The following WDPCP variants were observed in gnomAD, a reference collection of about 807,000 sequenced individuals.
The protein encoded by WDPCP is WD repeat-containing and planar cell polarity effector protein fritz homolog.
Under a neutral mutation model 93.1 loss-of-function variants are expected in WDPCP, and 71 were observed. The ratio of observed to expected loss-of-function variants is 0.76; its 90% CI spans 0.63 to 0.93. WDPCP has a LOEUF of 0.93. Ranked by LOEUF, WDPCP falls within the 40% of genes least tolerant of loss-of-function variation. WDPCP has a pLI of 0.00. For synonymous variants in WDPCP, 315 were observed against 315.0 expected, an observed-to-expected ratio of 1.00 and a Z score of 0.00; for missense variants, 844 against 887.4, an observed-to-expected ratio of 0.95 and a Z score of 0.62.
intron 3 of WDPCP, among the ~76,000 whole-genome samples, chr2:63,639,340 T>C (rs565110232): frequency 3.9e-5 from 6 of 152,332 alleles, no homozygotes; most frequent in African/African-American, 1.2e-4. Flanking sequence ...AGACAGGGTC[T>C]ACTGTGTTGC....
At chr2:63,838,333 G>A in the WDPCP span, among the ~76,000 whole-genome samples, 2 of 152,192 alleles carry the variant, frequency 1.3e-5, no homozygotes, top group East Asian at 3.8e-4. Flanking sequence ...ATATGGTGAG[G>A]TTGTTATACA....
intron 1 of WDPCP, among the ~76,000 whole-genome samples, chr2:63,515,308 T>C (rs1427212571): frequency 1.3e-5 from 2 of 152,178 alleles, no homozygotes; most frequent in Non-Finnish European, 2.9e-5. Context: ...TAGACTTACG[T>C]AAAGTGCCTA....
intron 2 of WDPCP, among the ~76,000 whole-genome samples, chr2:63,666,868 T>C (rs1049511821): frequency 6.6e-6 from 1 of 152,162 alleles, no homozygotes; most frequent in African/African-American, 2.4e-5. Flanking sequence ...GAAATCAGCA[T>C]TGGAACCTTG....
intron 15 of WDPCP, among the ~76,000 whole-genome samples, chr2:63,171,145 T>A (rs1455723206): frequency 6.6e-6 from 1 of 152,040 alleles, no homozygotes. Flanking sequence ...ATTTTCAGAT[T>A]AGAAAGAAAT....
chr2:63,359,277 G>T (rs1255719681), intron 12 of WDPCP, among the ~76,000 whole-genome samples: 4 of 152,140 alleles, frequency 2.6e-5, no homozygotes. Flanking sequence ...CTTAAGACGT[G>T]CAACCTTGCA....
In WDPCP at chr2:63,792,910, T is replaced by A. The variant is rs1670564355; in HGVS notation, n.308+20712A>T. On this transcript the variant is annotated intron_variant and non_coding_transcript_variant, in intron 2 of 4. Coordinates refer to the WDPCP transcript ENST00000467687. Reference sequence around the variant, plus strand: ...TCATGAATAACATCATAGATTCAAATAACAGTGTAAAAAAAAAAAGGCAGA... The same window carrying A: ...TCATGAATAACATCATAGATTCAAAAAACAGTGTAAAAAAAAAAAGGCAGA... 2.7e-5 allele frequency among the ~76,000 whole-genome samples: 4 copies of A among 150,824 alleles called. No homozygotes were observed. The South Asian group carries it at 8.4e-4, about 32-fold the overall frequency.
At chr2:63,377,837 T>A (rs1310462369) in intron 12 of WDPCP, 1 of 154,262 alleles carries the variant, frequency 6.5e-6, no homozygotes, top group Non-Finnish European at 1.4e-5. Flanking sequence ...TTCCTTTAAC[T>A]TCTGCAATAC....
intron 17 of WDPCP, among the ~76,000 whole-genome samples, chr2:63,138,378 T>C (rs1386689425): frequency 6.6e-6 from 1 of 152,002 alleles, no homozygotes; most frequent in Non-Finnish European, 1.5e-5. Context: ...CAGATATTGC[T>C]ATTTTATTTT....
rs557779316 is a variant in WDPCP, at chr2:63,677,521, T to C, written n.309-26683A>G. ...AAAACCATGCCTATGCACGTGACGA[T>C]AAAAGTACTAAAAATCAAAGAAAAA... On this transcript the variant is annotated intron_variant and non_coding_transcript_variant, in intron 2 of 4. Transcript: ENST00000467687. 1.3e-4 allele frequency among the ~76,000 whole-genome samples: 14 copies of C among 106,222 alleles called. No individual in the cohort carries two copies. The South Asian group carries it at 3.9e-3, about 30-fold the overall frequency. 69.7% of individuals were successfully genotyped at this position (106,222 alleles called of 152,430 possible). A position where few individuals can be genotyped will look rare whatever the true frequency, so the allele number is the denominator to read the frequency against.
chr2:63,623,557 C>T (rs1709773900), intron 3 of WDPCP, among the ~76,000 whole-genome samples: 2 of 150,848 alleles, frequency 1.3e-5, no homozygotes, highest in Admixed American at 1.3e-4. Flanking sequence ...GTAAAACAGA[C>T]TTTAAACCAA....
At position 63,330,897 on chromosome 2, in the gene WDPCP, G is replaced by T. The variant is rs570980890; in HGVS notation, c.1749-17586C>A. Among the ~76,000 whole-genome samples the T allele has an allele frequency of 4.2e-4, 59 of 141,296 alleles. 1 individual carries two copies. The East Asian group carries it at 0.01, about 25-fold the overall frequency. 92.7% of individuals were successfully genotyped at this position (141,296 alleles called of 152,430 possible). On this transcript the variant is annotated intron_variant, in intron 12 of 17. Transcript: ENST00000272321. Reference sequence around the variant, plus strand: ...TTTTTTTTTTTTTTTTTGAGACGGGGTCTTGCTCTGTCACCCAGGTGGGAA... The same window carrying T: ...TTTTTTTTTTTTTTTTTGAGACGGGTTCTTGCTCTGTCACCCAGGTGGGAA...
chr2:63,751,408 T>C (rs1669880232), intron 2 of WDPCP, among the ~76,000 whole-genome samples: 1 of 152,068 alleles, frequency 6.6e-6, no homozygotes, highest in Non-Finnish European at 1.5e-5. Context: ...ATCAACAGCA[T>C]GGGTGCAAAA....
intron 3 of WDPCP, among the ~76,000 whole-genome samples, chr2:63,621,078 G>A (rs762008301): frequency 7.9e-5 from 12 of 152,092 alleles, no homozygotes; most frequent in Non-Finnish European, 1.3e-4. Flanking sequence ...AGTACAGAAA[G>A]GCTGAAAATT....
chr2:63,268,588 T>C (rs974192344), intron 13 of WDPCP, among the ~76,000 whole-genome samples: 1 of 152,154 alleles, frequency 6.6e-6, no homozygotes, highest in African/African-American at 2.4e-5. Flanking sequence ...CATCTCAGCC[T>C]CCCAAGTAGT....
chr2:63,464,969 TA>T (rs1437680364), intron 6 of WDPCP, among the ~76,000 whole-genome samples: 4 of 152,018 alleles, frequency 2.6e-5, no homozygotes, highest in Non-Finnish European at 5.9e-5. Context: ...TGTTTCACAA[TA>T]ATGTGAATAT....
At chr2:63,454,147 C>T (rs1388024082) in intron 6 of WDPCP, among the ~76,000 whole-genome samples, 2 of 150,904 alleles carry the variant, frequency 1.3e-5, no homozygotes, top group Non-Finnish European at 2.9e-5. Flanking sequence ...AAATGTGGCA[C>T]ATATACACCA....
At chr2:63,758,290 G>A (rs1336657810) in intron 2 of WDPCP, among the ~76,000 whole-genome samples, 1 of 151,908 alleles carries the variant, frequency 6.6e-6, no homozygotes, top group South Asian at 2.1e-4. Flanking sequence ...TAAGTACTCC[G>A]TGGCAGCAAA....
At chr2:63,177,321 G>A (rs1301881080) in intron 14 of WDPCP, among the ~76,000 whole-genome samples, 1 of 152,182 alleles carries the variant, frequency 6.6e-6, no homozygotes, top group African/African-American at 2.4e-5. Flanking sequence ...TGAATTGGTA[G>A]ATTACCTTGG....
rs1307027094 is a variant in WDPCP at position 63,378,242 on chromosome 2, A to G, written c.1748+144T>C. 4 of 1,096,036 alleles carry G rather than the reference A, an allele frequency of 3.6e-6. No individual in the cohort carries two copies. In the African/African-American group the frequency reaches 6.4e-5, roughly 17 times the overall value. The allele number at this position is 1,096,036 out of a possible 1,614,324, so 67.9% of individuals were successfully genotyped here. A position where few individuals can be genotyped will look rare whatever the true frequency, so the allele number is the denominator to read the frequency against. On this transcript the variant is annotated intron_variant, in intron 12 of 17. Transcript: ENST00000272321. The stretch of plus-strand genomic sequence containing the variant: ...AAATGAAAACAATAACAAATTAAAT[A>G]AGACCAAAAGAAGATGTATATTTCT...
Sources: gnomAD v4.1 joint callset for allele counts (sites outside exome capture counted in the v4.1 genomes callset) on GRCh38, gnomAD v4.1.1 for gene constraint, MANE v1.5 for transcripts, NCBI Gene and HGNC (gene_info 2026-07-23, HGNC 2026-07-21) for gene names.